Variants in KCNH7 observed in about 807,000 individuals in gnomAD.
The protein encoded by KCNH7 is voltage-gated inwardly rectifying potassium channel KCNH7.
A neutral mutation model predicts 120.8 loss-of-function variants in KCNH7; 49 were observed. That is an observed-to-expected ratio of 0.41 (90% CI 0.32 to 0.51). The LOEUF is 0.51. KCNH7 is among the 20% of genes least tolerant of loss of function. KCNH7 has a pLI of 0.38. For synonymous variants in KCNH7, 547 were observed against 516.1 expected (o/e 1.06, Z -0.81); for missense variants, 1,097 against 1,446.6 (o/e 0.76, Z 3.92).
At chr2:162,711,479 C>T (rs1335079113) in intron 2 of KCNH7, among the ~76,000 whole-genome samples, 1 of 152,340 alleles carries the variant, frequency 6.6e-6, no homozygotes, top group Non-Finnish European at 1.5e-5. Flanking sequence ...CGTTGCTCAA[C>T]AAAAATCGCA....
chr2:162,823,578 G>C (rs764483151), intron 2 of KCNH7, among the ~76,000 whole-genome samples: 1 of 152,126 alleles, frequency 6.6e-6, no homozygotes, highest in African/African-American at 2.4e-5. Context: ...GGCCCTGCCT[G>C]GTTATACTAT....
chr2:162,695,194 T>A (rs575437359), intron 2 of KCNH7, among the ~76,000 whole-genome samples: 2 of 152,202 alleles, frequency 1.3e-5, no homozygotes, highest in Non-Finnish European at 2.9e-5. Flanking sequence ...AGTATCATGA[T>A]TTTCCTAAGG....
At chr2:162,490,434 G>A (rs1316364443) in intron 6 of KCNH7, among the ~76,000 whole-genome samples, 4 of 152,156 alleles carry the variant, frequency 2.6e-5, no homozygotes, top group Admixed American at 6.6e-5. Context: ...TCAAGCCTCC[G>A]CATGCCTACT....
chr2:162,561,548 GCATCTC>G (rs1373715305), intron 2 of KCNH7, among the ~76,000 whole-genome samples: 1 of 152,120 alleles, frequency 6.6e-6, no homozygotes, highest in Non-Finnish European at 1.5e-5. Context: ...ATCCTCTCCA[GCATCTC>G]TTGTTTCCTG....
chr2:162,807,189 T>A lies in KCNH7; in HGVS notation c.307+29348A>T, dbSNP rs566936060. 1.6e-4 allele frequency among the ~76,000 whole-genome samples: 22 copies of A among 136,628 alleles called. No homozygotes were observed. In the East Asian group the frequency reaches 4.6e-3, roughly 29 times the overall value. The allele number at this position is 136,628 out of a possible 152,430, so 89.6% of individuals were successfully genotyped here. ...ACTTTGGGAGGCCAAGGCGGGTGGATCACTTGAGATCAGGAGTTCAAGACC... is the reference window on the plus strand; with the variant it reads ...ACTTTGGGAGGCCAAGGCGGGTGGAACACTTGAGATCAGGAGTTCAAGACC... On this transcript the variant is annotated intron_variant, in intron 2 of 15. Transcript: ENST00000332142.
chr2:162,390,741 C>G (rs1051846766), intron 12 of KCNH7, among the ~76,000 whole-genome samples: 7 of 151,610 alleles, frequency 4.6e-5, no homozygotes, highest in African/African-American at 1.5e-4. Context: ...ACAAGGTGCT[C>G]TCAAATTTCT....
At chr2:162,645,308 C>T (rs1048554146) in intron 2 of KCNH7, among the ~76,000 whole-genome samples, 4 of 152,186 alleles carry the variant, frequency 2.6e-5, no homozygotes, top group Non-Finnish European at 5.9e-5. Flanking sequence ...CCACCATACC[C>T]AGCTAATTTT....
At chr2:162,620,814 A>G (rs1683327293) in intron 2 of KCNH7, among the ~76,000 whole-genome samples, 1 of 152,080 alleles carries the variant, frequency 6.6e-6, no homozygotes, top group South Asian at 2.1e-4. Flanking sequence ...TAATCTTCCT[A>G]TTACAGATCC....
chr2:162,542,406 C>T (rs1345620849), intron 2 of KCNH7, among the ~76,000 whole-genome samples: 7 of 121,724 alleles, frequency 5.8e-5, no homozygotes, highest in Non-Finnish European at 1.2e-4. Flanking sequence ...CCCCCTCCCC[C>T]CACCCCACAA....
intron 2 of KCNH7, among the ~76,000 whole-genome samples, chr2:162,579,813 CT>C (rs113283141): frequency 0.044 from 6,665 of 150,208 alleles, 294 homozygotes; most frequent in East Asian, 0.11. Flanking sequence ...ATAGAAAACA[CT>C]TTTTTTTTTC....
intron 5 of KCNH7, among the ~76,000 whole-genome samples, chr2:162,509,097 A>C (rs1690979296): frequency 2.0e-5 from 3 of 151,494 alleles, no homozygotes; most frequent in Non-Finnish European, 4.4e-5. Context: ...GGTCTGATTA[A>C]ACATAAAGTA....
chr2:162,481,169 C>G (rs1443582555), intron 6 of KCNH7, among the ~76,000 whole-genome samples: 8 of 152,118 alleles, frequency 5.3e-5, no homozygotes, highest in Admixed American at 3.3e-4. Flanking sequence ...TATCTTTTCC[C>G]ACTCAACTAG....
chr2:162,633,994 A>C (rs1166896549), intron 2 of KCNH7, among the ~76,000 whole-genome samples: 1 of 151,966 alleles, frequency 6.6e-6, no homozygotes, highest in Admixed American at 6.6e-5. Context: ...ATAGATCCTT[A>C]CCATTTATTG....
chr2:162,517,757 T>C lies in KCNH7; in HGVS notation c.865A>G (p.Ile289Val). 1 of 1,575,056 alleles carries C rather than the reference T, an allele frequency of 6.3e-7. No individual in the cohort carries two copies. The highest frequency in any genetic ancestry group is 8.7e-7 in the Non-Finnish European group (1 of 1,152,978). The part of the protein sequence containing the change: ...IEGFGVHPKN[I>V]FRDRHASEDN... ...TCGCTGGCATGTCGGTCTCTAAATA[T>C]GTTCTTGGGGTGGACGCCGAATCCT... Residue 289 changes from isoleucine (I) to valine (V), a missense_variant, in exon 4 of 16, where the codon ATA (isoleucine) becomes GTA (valine). Physicochemically the swap from Ile to Val is conservative, Grantham distance 29. This residue lies in a region of KCNH7 where 362 missense variants were observed against 372.2 expected (regional missense o/e 0.97). Transcript: ENST00000332142.
At chr2:162,649,977 G>C (rs1286230448) in intron 2 of KCNH7, among the ~76,000 whole-genome samples, 1 of 152,136 alleles carries the variant, frequency 6.6e-6, no homozygotes, top group African/African-American at 2.4e-5. Flanking sequence ...ATGCAGTAAA[G>C]ACTGAAGAAA....
chr2:162,718,916 GGCTATCCAAT>G (rs1236404892), intron 2 of KCNH7, among the ~76,000 whole-genome samples: 3 of 151,848 alleles, frequency 2.0e-5, no homozygotes, highest in African/African-American at 7.2e-5. Flanking sequence ...CATGTTGTAT[GGCTATCCAAT>G]TTTAAGAGTC....
At chr2:162,494,084 C>G (rs1213200774) in intron 6 of KCNH7, among the ~76,000 whole-genome samples, 1 of 152,076 alleles carries the variant, frequency 6.6e-6, no homozygotes, top group East Asian at 1.9e-4. Context: ...ACTGCAAGGT[C>G]AAACTGGTTA....
intron 6 of KCNH7, among the ~76,000 whole-genome samples, chr2:162,471,913 G>C (rs1287569037): frequency 1.3e-5 from 2 of 152,164 alleles, no homozygotes; most frequent in African/African-American, 2.4e-5. Flanking sequence ...GAACAGAACA[G>C]AGCCCTCAGA....
chr2:162,452,472 T>C (rs1363872647), intron 6 of KCNH7, among the ~76,000 whole-genome samples: 1 of 152,084 alleles, frequency 6.6e-6, no homozygotes, highest in Non-Finnish European at 1.5e-5. Context: ...GCATATCTAG[T>C]TCATATTATG....
Sources: gnomAD v4.1 joint callset for allele counts (sites outside exome capture counted in the v4.1 genomes callset) on GRCh38, gnomAD v4.1.1 for gene constraint, gnomAD v4.1.1 regional missense constraint, MANE v1.5 for transcripts, NCBI Gene and HGNC (gene_info 2026-07-23, HGNC 2026-07-21) for gene names.